ARHGAP6: variants seen among roughly 807,000 people sequenced by gnomAD.
ARHGAP6 encodes Rho GTPase activating protein 6, also known as rho GTPase-activating protein 6.
In ARHGAP6, 16 loss-of-function variants were observed where a neutral mutation model predicts 55.7. That is an observed-to-expected ratio of 0.29 (90% CI 0.19 to 0.44). The LOEUF is 0.44. Among genes scored for constraint, ARHGAP6 ranks in the 20% least tolerant of loss-of-function variants. The pLI is 1.00. For missense variants in ARHGAP6, 698 were observed against 808.9 expected, an observed-to-expected ratio of 0.86 and a Z score of 1.66; for synonymous variants, 382 against 360.9, an observed-to-expected ratio of 1.06 and a Z score of -0.66.
intron 2 of ARHGAP6, among the ~76,000 whole-genome samples, chrX:11,248,421 C>A (rs1410649637): frequency 1.8e-5 from 2 of 111,786 alleles, no homozygotes; most frequent in African/African-American, 6.5e-5. Flanking sequence ...ATAGCTGGGA[C>A]TTAATTAAAC....
chrX:11,226,580 T>G (rs942768283), intron 2 of ARHGAP6, among the ~76,000 whole-genome samples: 6 of 112,261 alleles, frequency 5.3e-5, no homozygotes, highest in Non-Finnish European at 1.1e-4. Flanking sequence ...CCTGGAAATA[T>G]AAATCTTGTG....
At chrX:11,215,306 A>G (rs762187212) in intron 2 of ARHGAP6, among the ~76,000 whole-genome samples, 16 of 112,737 alleles carry the variant, frequency 1.4e-4, no homozygotes, top group African/African-American at 4.8e-4. Context: ...TCTTCCGGCC[A>G]CACGGGGTCG....
intron 1 of ARHGAP6, among the ~76,000 whole-genome samples, chrX:11,578,672 A>G (rs1368801010): frequency 8.9e-6 from 1 of 111,919 alleles, no homozygotes; most frequent in Non-Finnish European, 1.9e-5. Context: ...CAGTGATCCC[A>G]TTACTGGGTA....
At chrX:11,150,115 G>A (rs1490801892) in intron 10 of ARHGAP6, among the ~76,000 whole-genome samples, 4 of 111,685 alleles carry the variant, frequency 3.6e-5, no homozygotes, top group African/African-American at 1.3e-4. Flanking sequence ...GTATAGAAGG[G>A]AAGATACTTT....
At chrX:11,400,562 C>T (rs2049536832) in intron 1 of ARHGAP6, among the ~76,000 whole-genome samples, 1 of 106,480 alleles carries the variant, frequency 9.4e-6, no homozygotes, top group South Asian at 4.8e-4. Context: ...GTGGAATTTA[C>T]AGTTCAAGGC....
intron 1 of ARHGAP6, among the ~76,000 whole-genome samples, chrX:11,431,149 G>A (rs771017772): frequency 5.9e-4 from 66 of 111,838 alleles, no homozygotes; most frequent in African/African-American, 2.1e-3. Flanking sequence ...GTTCTTTTTT[G>A]TTTGTTTTTC....
At chrX:11,148,590 C>A in intron 10 of ARHGAP6, 1 of 350,282 alleles carries the variant, frequency 2.9e-6, no homozygotes, top group South Asian at 2.7e-5. Flanking sequence ...GCTAACCAGA[C>A]AAGCAAGGGA....
chrX:11,474,013 G>A (rs144074734), intron 1 of ARHGAP6, among the ~76,000 whole-genome samples: 2 of 110,933 alleles, frequency 1.8e-5, no homozygotes, highest in African/African-American at 6.6e-5. Context: ...TGGGGTCCAG[G>A]CTCTAATGCT....
intron 1 of ARHGAP6, among the ~76,000 whole-genome samples, chrX:11,484,777 C>T (rs77377896): frequency 0.078 from 8,636 of 111,357 alleles, 352 homozygotes; most frequent in East Asian, 0.18. Flanking sequence ...TCATGTTTAG[C>T]ATTTAGTTTG....
At chrX:11,157,866 A>C (rs1437546467) in intron 9 of ARHGAP6, among the ~76,000 whole-genome samples, 1 of 112,033 alleles carries the variant, frequency 8.9e-6, no homozygotes, top group African/African-American at 3.2e-5. Context: ...TTTATCGTGA[A>C]CCTTCATTAA....
intron 1 of ARHGAP6, among the ~76,000 whole-genome samples, chrX:11,649,497 T>C (rs949214952): frequency 4.5e-5 from 5 of 111,669 alleles, no homozygotes; most frequent in Non-Finnish European, 9.4e-5. Flanking sequence ...CATCCCTTTT[T>C]CCACAATTAC....
intron 10 of ARHGAP6, among the ~76,000 whole-genome samples, chrX:11,152,547 G>GCT: frequency 9.0e-6 from 1 of 111,478 alleles, no homozygotes; most frequent in African/African-American, 3.3e-5. Context: ...CCAGGTCCTG[G>GCT]TGCAAGCTCC....
At chrX:11,266,124 G>A in intron 1 of ARHGAP6, 1 of 145,591 alleles carries the variant, frequency 6.9e-6, no homozygotes, top group Non-Finnish European at 1.2e-5. Context: ...TTGGGGAGGA[G>A]GAAAGAGGGG....
chrX:11,415,686 G>T (rs918483959), intron 1 of ARHGAP6, among the ~76,000 whole-genome samples: 1 of 111,905 alleles, frequency 8.9e-6, no homozygotes, highest in Admixed American at 9.5e-5. Flanking sequence ...GGAGACAATA[G>T]TGTGTCAAAT....
intron 1 of ARHGAP6, among the ~76,000 whole-genome samples, chrX:11,536,783 ATTT>A (rs1157070843): frequency 8.9e-6 from 1 of 112,562 alleles, no homozygotes; most frequent in South Asian, 3.7e-4. Flanking sequence ...TGATATTTGA[ATTT>A]TTTACTGTGT....
chrX:11,393,799 A>G (rs1482789956), intron 1 of ARHGAP6, among the ~76,000 whole-genome samples: 1 of 111,816 alleles, frequency 8.9e-6, no homozygotes, highest in Non-Finnish European at 1.9e-5. Context: ...CAGAGCCTGA[A>G]TTCTTATCAA....
At chrX:11,602,020 C>T (rs1373962213) in intron 1 of ARHGAP6, among the ~76,000 whole-genome samples, 1 of 111,136 alleles carries the variant, frequency 9.0e-6, no homozygotes, top group African/African-American at 3.3e-5. Flanking sequence ...GAGGGGGTTG[C>T]TTAGCAAAAA....
chrX:11,637,256 A>G (rs1042699193), intron 1 of ARHGAP6, among the ~76,000 whole-genome samples: 20 of 110,968 alleles, frequency 1.8e-4, no homozygotes, highest in Non-Finnish European at 1.9e-4. Context: ...ATGGGTTTTT[A>G]TCATGGTCTG....
intron 1 of ARHGAP6, among the ~76,000 whole-genome samples, chrX:11,414,822 A>G (rs1170714699): frequency 8.9e-6 from 1 of 111,931 alleles, no homozygotes; most frequent in Non-Finnish European, 1.9e-5. Flanking sequence ...AGGTTTTGAA[A>G]CAGTAGCTAA....
Sources: allele counts gnomAD v4.1 joint callset (sites outside exome capture counted in the v4.1 genomes callset), GRCh38; gene constraint gnomAD v4.1.1; transcripts MANE v1.5; gene names NCBI Gene and HGNC (gene_info 2026-07-23, HGNC 2026-07-21).